Variants in RABGEF1 observed in about 807,000 individuals in gnomAD.
RABGEF1 encodes the protein rab5 GDP/GTP exchange factor.
A neutral mutation model predicts 57.3 loss-of-function variants in RABGEF1; 26 were observed. The ratio of observed to expected loss-of-function variants is 0.45; its 90% confidence interval spans 0.33 to 0.63. The LOEUF (loss-of-function observed/expected upper bound fraction) is 0.63, where lower values mean the gene tolerates loss of function less well. Ranked by LOEUF, RABGEF1 falls within the 20% of genes least tolerant of loss-of-function variation. The pLI is 0.02. For missense variants in RABGEF1, 464 were observed against 607.6 expected, an observed-to-expected ratio of 0.76 and a Z score of 2.48; for synonymous variants, 185 against 210.7, an observed-to-expected ratio of 0.88 and a Z score of 1.06.
chr7:66,695,448 A>C (rs2707836), intron 1 of RABGEF1, among the ~76,000 whole-genome samples: 76,348 of 152,040 alleles, frequency 0.5, 20,102 homozygotes, highest in East Asian at 0.74. Context: ...AGGGGCTTTG[A>C]CGCAAGAGGT....
At chr7:66,722,315 C>T (rs1796143685) in intron 2 of RABGEF1, among the ~76,000 whole-genome samples, 1 of 152,184 alleles carries the variant, frequency 6.6e-6, no homozygotes, top group South Asian at 2.1e-4. Context: ...TGGTGCGCGC[C>T]TGTAATCCCA....
chr7:66,672,136 A>T, the RABGEF1 span, among the ~76,000 whole-genome samples: 4 of 151,846 alleles, frequency 2.6e-5, no homozygotes, highest in African/African-American at 9.7e-5. Flanking sequence ...AATAAAAAAA[A>T]ACCTGGCCGG....
At position 66,799,399 on chromosome 7, in the gene RABGEF1, G is replaced by T. The variant is rs373609152; in HGVS notation, c.805G>T (p.Val269Leu). ...EDIPEVSDMV[V>L]KAITDIIEMD... ...CATCCCAGAAGTGTCTGATATGGTG[G>T]TGAAGGCGATCACAGGTCAGTGAAA... The change falls in exon 7 of 9, where the codon GTG becomes TTG. Residue 269 changes from valine (V) to leucine (L), a missense_variant. Transcript: ENST00000284957. 4 of 1,608,486 alleles carry T rather than the reference G, an allele frequency of 2.5e-6. No homozygotes were observed. Among genetic ancestry groups the T allele is most frequent in the Non-Finnish European group, 3.4e-6 (4 of 1,174,990 alleles).
chr7:66,673,277 T>C, the RABGEF1 span, among the ~76,000 whole-genome samples: 1 of 151,306 alleles, frequency 6.6e-6, no homozygotes, highest in African/African-American at 2.4e-5. Context: ...TTTCTTACTA[T>C]ACAGCTTATG....
chr7:66,682,677 G>T (rs1789952334), intron 1 of RABGEF1, among the ~76,000 whole-genome samples: 1 of 147,966 alleles, frequency 6.8e-6, no homozygotes, highest in South Asian at 2.2e-4. Flanking sequence ...GGGATGGGAC[G>T]CTCGGACCCA....
At chr7:66,790,322 T>A (rs576756666) in intron 4 of RABGEF1, among the ~76,000 whole-genome samples, 1 of 152,222 alleles carries the variant, frequency 6.6e-6, no homozygotes, top group Non-Finnish European at 1.5e-5. Flanking sequence ...TCCACCCTTA[T>A]GCGCATGAGG....
chr7:66,748,390 G>C (rs1562778586), intron 1 of RABGEF1, among the ~76,000 whole-genome samples: 1 of 152,190 alleles, frequency 6.6e-6, no homozygotes, highest in Non-Finnish European at 1.5e-5. Context: ...CTTTTGTAAT[G>C]AATTTATCAG....
chr7:66,753,814 C>T (rs1415473287), intron 1 of RABGEF1, among the ~76,000 whole-genome samples: 2 of 141,770 alleles, frequency 1.4e-5, no homozygotes, highest in African/African-American at 2.6e-5. Context: ...TCAAGCAATT[C>T]TCCTACCTCA....
intron 1 of RABGEF1, among the ~76,000 whole-genome samples, chr7:66,771,590 G>A (rs1807151710): frequency 6.6e-6 from 1 of 152,066 alleles, no homozygotes; most frequent in Non-Finnish European, 1.5e-5. Context: ...CTAGTTTGCA[G>A]CCTTTACATT....
At chr7:66,790,743 T>G (rs1812452226) in intron 4 of RABGEF1, among the ~76,000 whole-genome samples, 1 of 152,216 alleles carries the variant, frequency 6.6e-6, no homozygotes, top group Non-Finnish European at 1.5e-5. Flanking sequence ...AAAAGTAAGC[T>G]GATCTCACAG....
At chr7:66,722,893 AAT>A (rs1796201809) in intron 2 of RABGEF1, among the ~76,000 whole-genome samples, 1 of 152,214 alleles carries the variant, frequency 6.6e-6, no homozygotes, top group South Asian at 2.1e-4. Context: ...GCATTTTAAC[AAT>A]ATTAAGTCTT....
chr7:66,763,870 TATTA>T (rs1402278971), intron 1 of RABGEF1, among the ~76,000 whole-genome samples: 2 of 152,270 alleles, frequency 1.3e-5, no homozygotes, highest in African/African-American at 2.4e-5. Flanking sequence ...ACATTTTGTT[TATTA>T]ATTCATCAGT....
At chr7:66,674,348 C>G in the RABGEF1 span, among the ~76,000 whole-genome samples, 17 of 152,206 alleles carry the variant, frequency 1.1e-4, 1 homozygote, top group South Asian at 3.5e-3. Context: ...CACCACCACA[C>G]CTGGCTGATT....
chr7:66,681,588 G>A (rs1463657188), upstream of RABGEF1, among the ~76,000 whole-genome samples: 1 of 28,546 alleles, frequency 3.5e-5, no homozygotes, highest in Non-Finnish European at 7.4e-5. Context: ...CTTTTGTAGA[G>A]ATGGGGGCTC....
At chr7:66,699,438 C>T (rs894991746) in intron 1 of RABGEF1, among the ~76,000 whole-genome samples, 1 of 152,170 alleles carries the variant, frequency 6.6e-6, no homozygotes, top group Non-Finnish European at 1.5e-5. Flanking sequence ...CACCTGTAAT[C>T]CCAGCACTTT....
intron 5 of RABGEF1, chr7:66,796,897 GT>G (rs751925632): frequency 4.9e-4 from 196 of 400,096 alleles, no homozygotes; most frequent in Admixed American, 1.5e-3. Context: ...CAGCTGGTAA[GT>G]TTTTTTTTTA....
intron 8 of RABGEF1, 80 bp downstream of exon 8, chr7:66,805,476 C>A (rs1268203590): frequency 6.4e-7 from 1 of 1,569,112 alleles, no homozygotes. Context: ...CACTTAGGCC[C>A]GTGACAGGTG....
chr7:66,784,273 G>A (rs1318629220), intron 4 of RABGEF1, among the ~76,000 whole-genome samples: 3 of 152,186 alleles, frequency 2.0e-5, no homozygotes, highest in Non-Finnish European at 4.4e-5. Flanking sequence ...TTAGAGAAAG[G>A]ACAGATAGAA....
chr7:66,788,315 C>T (rs1811717569), intron 4 of RABGEF1, among the ~76,000 whole-genome samples: 1 of 151,860 alleles, frequency 6.6e-6, no homozygotes, highest in African/African-American at 2.4e-5. Flanking sequence ...CATGGTGGCG[C>T]TCGCCTGTAG....
Sources: gnomAD v4.1 joint callset for allele counts (sites outside exome capture counted in the v4.1 genomes callset) on GRCh38, gnomAD v4.1.1 for gene constraint, MANE v1.5 for transcripts, NCBI Gene and HGNC (gene_info 2026-07-23, HGNC 2026-07-21) for gene names.